Variants in SPIRE1 observed in about 807,000 individuals in gnomAD.
SPIRE1 encodes protein spire homolog 1.
In SPIRE1, 40 loss-of-function variants were observed where a neutral mutation model predicts 94.1. That is an observed-to-expected ratio of 0.43 (90% CI 0.33 to 0.55). The LOEUF (loss-of-function observed/expected upper bound fraction) is 0.55. Among genes scored for constraint, SPIRE1 ranks in the 20% least tolerant of loss-of-function variants. SPIRE1 has a pLI of 0.06. For missense variants in SPIRE1, 838 were observed against 975.2 expected (o/e 0.86, Z 1.87); for synonymous variants, 376 against 371.7 (o/e 1.01, Z -0.13).
intron 2 of SPIRE1, among the ~76,000 whole-genome samples, chr18:12,615,345 A>AAAAAAATAAAAAAATATATAT: frequency 5.8e-5 from 1 of 17,236 alleles, no homozygotes. Flanking sequence ...AAAAAAAAAA[A>AAAAAAATAAAAAAATATATAT]ATATATATAT....
At chr18:12,653,979 A>G (rs1019847887) in intron 1 of SPIRE1, among the ~76,000 whole-genome samples, 1 of 151,810 alleles carries the variant, frequency 6.6e-6, no homozygotes, top group Non-Finnish European at 1.5e-5. Flanking sequence ...AACAGAAATC[A>G]ATGGATGTGA....
At position 12,488,914 on chromosome 18, in the gene SPIRE1, G is replaced by A. The variant is rs138587684; in HGVS notation, c.1190-2914C>T. On this transcript the variant is annotated intron_variant, in intron 8 of 16. Coordinates refer to ENST00000409402, the MANE Select transcript of SPIRE1 (RefSeq NM_001128626.2). ...GAATAATCTTCCTTGGGTCAGGCGCGGTGGCTCACGCCTGTAATCCCAGCA... is the reference window on the plus strand; with the variant it reads ...GAATAATCTTCCTTGGGTCAGGCGCAGTGGCTCACGCCTGTAATCCCAGCA... Among the ~76,000 whole-genome samples the A allele has an allele frequency of 5.3e-3, 800 of 152,242 alleles. 5 individuals are homozygous for A. Among genetic ancestry groups the A allele is most frequent in the African/African-American group, 0.018 (754 of 41,526 alleles).
chr18:12,486,032 A>C, intron 8 of SPIRE1, 32 bp from the exon 9 acceptor site: 1 of 1,500,278 alleles, frequency 6.7e-7, no homozygotes, highest in South Asian at 1.3e-5. Flanking sequence ...ATAAAAAGAA[A>C]ATAATTCAGC....
chr18:12,638,884 T>G (rs1272523764), intron 1 of SPIRE1, among the ~76,000 whole-genome samples: 1 of 152,144 alleles, frequency 6.6e-6, no homozygotes, highest in Non-Finnish European at 1.5e-5. Flanking sequence ...TGACTGTAAG[T>G]TTTCTGAGGC....
intron 2 of SPIRE1, among the ~76,000 whole-genome samples, chr18:12,550,774 T>C (rs1354171744): frequency 2.6e-5 from 4 of 152,182 alleles, no homozygotes; most frequent in Non-Finnish European, 5.9e-5. Context: ...AATCTCTATA[T>C]ATGAAGTTTA....
chr18:12,630,469 G>A (rs1440437312), intron 2 of SPIRE1, among the ~76,000 whole-genome samples: 2 of 152,098 alleles, frequency 1.3e-5, no homozygotes, highest in Admixed American at 1.3e-4. Flanking sequence ...GACCAGCCTC[G>A]CCAACACGGC....
At chr18:12,573,929 C>G (rs1031298110) in intron 2 of SPIRE1, among the ~76,000 whole-genome samples, 4 of 151,984 alleles carry the variant, frequency 2.6e-5, no homozygotes, top group African/African-American at 4.8e-5. Context: ...TTAGTAGAGA[C>G]GGGGTTTCAC....
chr18:12,461,562 T>TGGTATGTACATAC (rs1568184229), intron 12 of SPIRE1, among the ~76,000 whole-genome samples: 5 of 136,818 alleles, frequency 3.7e-5, no homozygotes, highest in African/African-American at 1.5e-4. Flanking sequence ...TACATGCGTG[T>TGGTATGTACATAC]ATATGTATGT....
chr18:12,611,927 G>A (rs62097132), intron 2 of SPIRE1, among the ~76,000 whole-genome samples: 26,476 of 151,634 alleles, frequency 0.17, 2,404 homozygotes, highest in Admixed American at 0.25. Context: ...TCCTGCCTCC[G>A]CCTCCCAAAG....
At chr18:12,570,284 CAT>C (rs1264588134) in intron 2 of SPIRE1, among the ~76,000 whole-genome samples, 2 of 152,190 alleles carry the variant, frequency 1.3e-5, no homozygotes, top group Non-Finnish European at 2.9e-5. Context: ...TTTTGTTTAA[CAT>C]GTGTAAATAG....
intron 2 of SPIRE1, among the ~76,000 whole-genome samples, chr18:12,628,627 A>G (rs1270260921): frequency 1.3e-5 from 2 of 152,134 alleles, no homozygotes; most frequent in East Asian, 3.8e-4. Flanking sequence ...TGAATCTATA[A>G]ATTATCTTGG....
chr18:12,577,694 G>A lies in SPIRE1; in HGVS notation c.373-30790C>T, dbSNP rs55761819. Among the ~76,000 whole-genome samples, 1,003 of 152,102 alleles carry A rather than the reference G, an allele frequency of 6.6e-3. 9 individuals carry two copies. Among genetic ancestry groups the A allele is most frequent in the African/African-American group, 0.022 (922 of 41,474 alleles). ...AAAATCAAAACTTTTATCACTTCTC[G>A]GCCTTTTGGCTAAGATCATGTGTAA... On this transcript the variant is annotated intron_variant, in intron 2 of 16. Coordinates refer to ENST00000409402, the MANE Select transcript of SPIRE1 (RefSeq NM_001128626.2).
intron 3 of SPIRE1, among the ~76,000 whole-genome samples, chr18:12,543,503 T>C (rs2035067997): frequency 1.3e-5 from 2 of 152,196 alleles, no homozygotes; most frequent in African/African-American, 4.8e-5. Context: ...TCTTCTAACA[T>C]TACTCTCCCC....
chr18:12,552,694 A>AC (rs776967074), intron 2 of SPIRE1, among the ~76,000 whole-genome samples: 22 of 151,762 alleles, frequency 1.4e-4, no homozygotes, highest in Non-Finnish European at 2.9e-4. Flanking sequence ...AGTGTATGCA[A>AC]CCCCCAGTCA....
At chr18:12,455,519 A>T (rs1049270332) in intron 12 of SPIRE1, among the ~76,000 whole-genome samples, 1 of 152,206 alleles carries the variant, frequency 6.6e-6, no homozygotes, top group Non-Finnish European at 1.5e-5. Flanking sequence ...AAGATTTCAT[A>T]ATAAATATTT....
Position 12,603,706 on chromosome 18 carries a change from C to T in SPIRE1, c.372+31356G>A, listed in dbSNP as rs528085974. On this transcript the variant is annotated intron_variant, in intron 2 of 16. Coordinates refer to ENST00000409402, the MANE Select transcript of SPIRE1 (RefSeq NM_001128626.2). The stretch of plus-strand genomic sequence containing the variant: ...TCTACTGCCTCAGCCTCCCGAGTAG[C>T]TGGGACTACAGGTGCCCGACACCAC... 1.3e-4 allele frequency among the ~76,000 whole-genome samples: 20 copies of T among 152,034 alleles called. 1 individual carries two copies. The East Asian group carries it at 2.1e-3, about 16-fold the overall frequency.
intron 2 of SPIRE1, among the ~76,000 whole-genome samples, chr18:12,565,903 G>A (rs190620564): frequency 4.3e-4 from 66 of 151,770 alleles, no homozygotes; most frequent in Non-Finnish European, 5.6e-4. Flanking sequence ...GCATGGTGGT[G>A]CACGCCTGTA....
chr18:12,540,696 C>G (rs547733127), intron 3 of SPIRE1, among the ~76,000 whole-genome samples: 20 of 152,296 alleles, frequency 1.3e-4, no homozygotes, highest in African/African-American at 3.8e-4. Context: ...TTTTTAATCA[C>G]TGCATTCTGC....
intron 4 of SPIRE1, among the ~76,000 whole-genome samples, chr18:12,519,441 T>C (rs1450936580): frequency 6.6e-6 from 1 of 152,210 alleles, no homozygotes; most frequent in Non-Finnish European, 1.5e-5. Flanking sequence ...ATAGCTGGAC[T>C]GACTCTGCTC....
Sources: gnomAD v4.1 joint callset for allele counts (sites outside exome capture counted in the v4.1 genomes callset) on GRCh38, gnomAD v4.1.1 for gene constraint, MANE v1.5 for transcripts, NCBI Gene and HGNC (gene_info 2026-07-23, HGNC 2026-07-21) for gene names.